UMAD1: variants seen among roughly 807,000 people sequenced by gnomAD.
UMAD1 encodes UBAP1-MVB12-associated (UMA) domain containing 1, also known as UBAP1-MVB12-associated (UMA)-domain containing protein 1.
Under a neutral mutation model 6.1 loss-of-function variants are expected in UMAD1, and 8 were observed. The ratio of observed to expected loss-of-function variants is 1.30; its 90% CI spans 0.76 to 2.35. UMAD1 has a LOEUF of 2.35. Ranked by LOEUF, UMAD1 falls within the 30% of genes most tolerant of loss-of-function variation. The pLI is 0.00. For missense variants in UMAD1, 130 were observed against 78.4 expected (o/e 1.66, Z -2.49); for synonymous variants, 56 against 31.4 (o/e 1.78, Z -2.61).
chr7:7,851,841 C>T (rs1783923556), intron 3 of UMAD1, among the ~76,000 whole-genome samples: 1 of 152,016 alleles, frequency 6.6e-6, no homozygotes, highest in South Asian at 2.1e-4. Flanking sequence ...TGCCATTTTA[C>T]TTTTTGATAA....
intron 2 of UMAD1, among the ~76,000 whole-genome samples, chr7:7,676,955 CATATA>C (rs1468369830): frequency 6.6e-6 from 1 of 152,042 alleles, no homozygotes; most frequent in Non-Finnish European, 1.5e-5. Flanking sequence ...TCTATACTGA[CATATA>C]TAATATCTAC....
chr7:7,834,683 C>A (rs1783533583), intron 3 of UMAD1, among the ~76,000 whole-genome samples: 1 of 151,880 alleles, frequency 6.6e-6, no homozygotes, highest in African/African-American at 2.4e-5. Context: ...GAGGGCCCTA[C>A]CCTTATGAAT....
intron 2 of UMAD1, among the ~76,000 whole-genome samples, chr7:7,710,751 C>T (rs1209696513): frequency 6.6e-6 from 1 of 152,144 alleles, no homozygotes; most frequent in Non-Finnish European, 1.5e-5. Context: ...GTATTTATAG[C>T]AATTTTATTC....
At chr7:7,644,624 C>G (rs933879640) in intron 1 of UMAD1, among the ~76,000 whole-genome samples, 4 of 152,128 alleles carry the variant, frequency 2.6e-5, no homozygotes, top group Admixed American at 2.6e-4. Flanking sequence ...TGTGATTTGA[C>G]TGTATCACCT....
At chr7:7,861,641 T>A in intron 3 of UMAD1, among the ~76,000 whole-genome samples, 1 of 152,216 alleles carries the variant, frequency 6.6e-6, no homozygotes, top group East Asian at 1.9e-4. Context: ...CTTACTTTCA[T>A]CTGTATATGA....
At position 7,878,764 on chromosome 7, in the gene UMAD1, T is replaced by C. The variant is rs1784472998; in HGVS notation, c.*1226T>C. On this transcript the variant is annotated 3_prime_UTR_variant, in exon 4 of 4. Coordinates refer to ENST00000682710, the MANE Select transcript of UMAD1 (RefSeq NM_001302348.2). ...GAATTATTCCAGTTTTAAAGTATTATGCATGTTTGTTTAATAAATGTGGCA... is the reference window on the plus strand; with the variant it reads ...GAATTATTCCAGTTTTAAAGTATTACGCATGTTTGTTTAATAAATGTGGCA... 1 of 152,236 alleles carries C rather than the reference T, an allele frequency of 6.6e-6. No homozygotes were observed. The highest frequency in any genetic ancestry group is 1.5e-5 in the Non-Finnish European group (1 of 68,026). 9.4% of individuals were successfully genotyped at this position (152,236 alleles called of 1,614,324 possible). A position where few individuals can be genotyped will look rare whatever the true frequency, so the allele number is the denominator to read the frequency against.
intron 2 of UMAD1, among the ~76,000 whole-genome samples, chr7:7,689,889 C>A (rs1780133983): frequency 6.6e-6 from 1 of 152,112 alleles, no homozygotes; most frequent in East Asian, 1.9e-4. Flanking sequence ...GATTAACAAC[C>A]ATAGTAATTG....
intron 3 of UMAD1, among the ~76,000 whole-genome samples, chr7:7,860,604 C>CGAAAAAA (rs1784096601): frequency 1.1e-5 from 1 of 93,862 alleles, no homozygotes; most frequent in Non-Finnish European, 2.1e-5. Context: ...ACTAAAAATA[C>CGAAAAAA]AAAAAAAAAA....
At chr7:7,677,744 G>A (rs1779783601) in intron 2 of UMAD1, among the ~76,000 whole-genome samples, 1 of 136,992 alleles carries the variant, frequency 7.3e-6, no homozygotes, top group East Asian at 2.1e-4. Flanking sequence ...CGGGATCTCG[G>A]CTCACTGCAA....
intron 2 of UMAD1, among the ~76,000 whole-genome samples, chr7:7,784,735 C>T (rs1782425632): frequency 6.8e-6 from 1 of 146,668 alleles, no homozygotes; most frequent in Admixed American, 6.8e-5. Flanking sequence ...ATATGTTTTA[C>T]ATTAGCTTCT....
chr7:7,868,008 A>G (rs1366360224), intron 3 of UMAD1, among the ~76,000 whole-genome samples: 1 of 152,098 alleles, frequency 6.6e-6, no homozygotes, highest in East Asian at 1.9e-4. Context: ...TCTGTGAAGT[A>G]GGAGGCTGGC....
chr7:7,814,932 G>A (rs1783095706), intron 3 of UMAD1, among the ~76,000 whole-genome samples: 1 of 152,128 alleles, frequency 6.6e-6, no homozygotes, highest in African/African-American at 2.4e-5. Context: ...TTGCCAAGCT[G>A]CTTTCGGGCA....
intron 2 of UMAD1, among the ~76,000 whole-genome samples, chr7:7,710,976 C>T (rs948447729): frequency 3.3e-5 from 5 of 152,174 alleles, no homozygotes; most frequent in African/African-American, 9.7e-5. Context: ...ATGTAGCATT[C>T]TTGAAATGAC....
chr7:7,809,496 T>G (rs1298117468), intron 3 of UMAD1, among the ~76,000 whole-genome samples: 3 of 152,056 alleles, frequency 2.0e-5, no homozygotes, highest in African/African-American at 7.2e-5. Flanking sequence ...TGTGAAATGA[T>G]TAAATCAGGC....
At chr7:7,807,897 A>C (rs1340753012) in intron 3 of UMAD1, among the ~76,000 whole-genome samples, 1 of 152,070 alleles carries the variant, frequency 6.6e-6, no homozygotes, top group Non-Finnish European at 1.5e-5. Context: ...CTGCATCTAC[A>C]TCATAGTTTC....
intron 3 of UMAD1, among the ~76,000 whole-genome samples, chr7:7,857,243 C>T (rs935637183): frequency 6.6e-6 from 1 of 152,186 alleles, no homozygotes; most frequent in African/African-American, 2.4e-5. Context: ...GTTAAGGGTC[C>T]ACCCGGGAGT....
chr7:7,681,219 T>C (rs1779904042), intron 2 of UMAD1, among the ~76,000 whole-genome samples: 2 of 152,186 alleles, frequency 1.3e-5, no homozygotes, highest in Admixed American at 1.3e-4. Flanking sequence ...TTGTTTAAGC[T>C]ATAAATTATC....
At chr7:7,734,692 G>A (rs377067720) in intron 2 of UMAD1, among the ~76,000 whole-genome samples, 1 of 152,018 alleles carries the variant, frequency 6.6e-6, no homozygotes, top group Non-Finnish European at 1.5e-5. Flanking sequence ...ATCCTCAAAG[G>A]CTTTTTTGAT....
intron 2 of UMAD1, among the ~76,000 whole-genome samples, chr7:7,778,226 TTGTGTGTGTGTG>T (rs61647575): frequency 0.27 from 33,755 of 126,324 alleles, 5,096 homozygotes; most frequent in Non-Finnish European, 0.34. Context: ...AAAACTGGTT[TTGTGTGTGTGTG>T]TGTGTGTGTG....
Sources: allele counts gnomAD v4.1 joint callset (sites outside exome capture counted in the v4.1 genomes callset), GRCh38; gene constraint gnomAD v4.1.1; transcripts MANE v1.5; gene names NCBI Gene and HGNC (gene_info 2026-07-23, HGNC 2026-07-21).